Variants in TP63 observed in about 807,000 individuals in gnomAD.
TP63 encodes the protein tumor protein p63.
Under a neutral mutation model 82.8 loss-of-function variants are expected in TP63, and 17 were observed. The ratio of observed to expected loss-of-function variants is 0.21; its 90% confidence interval spans 0.14 to 0.31. TP63 has a LOEUF of 0.31. TP63 is among the 10% of genes least tolerant of loss of function. The pLI is 1.00. For missense variants in TP63, 648 were observed against 895.3 expected (o/e 0.72, Z 3.52); for synonymous variants, 330 against 321.7 (o/e 1.03, Z -0.28).
chr3:189,739,645 A>T (rs531546387), intron 3 of TP63, among the ~76,000 whole-genome samples: 132 of 152,242 alleles, frequency 8.7e-4, no homozygotes, highest in South Asian at 6.8e-3. Flanking sequence ...CCAGTTCCTC[A>T]TTTATAAAGT....
intron 13 of TP63, 85 bp from the exon 14 acceptor site, chr3:189,894,121 A>C (rs1389487711): frequency 6.5e-7 from 1 of 1,528,258 alleles, no homozygotes; most frequent in Non-Finnish European, 9.0e-7. Context: ...AAACCAGAGC[A>C]TCAGGGAATG....
At chr3:189,734,797 G>T (rs768896107) in intron 1 of TP63, among the ~76,000 whole-genome samples, 2 of 152,128 alleles carry the variant, frequency 1.3e-5, no homozygotes, top group Non-Finnish European at 2.9e-5. Flanking sequence ...TTTAGTTCAA[G>T]ACAGTCCTCT....
At chr3:189,601,270 T>A in the TP63 span, among the ~76,000 whole-genome samples, 1 of 152,146 alleles carries the variant, frequency 6.6e-6, no homozygotes, top group African/African-American at 2.4e-5. Flanking sequence ...TTGTTTCCCT[T>A]TTAACACCCA....
intron 3 of TP63, among the ~76,000 whole-genome samples, chr3:189,762,939 C>T (rs901922470): frequency 4.6e-5 from 7 of 152,138 alleles, no homozygotes; most frequent in African/African-American, 1.7e-4. Context: ...AATAAATGGG[C>T]ATCCATCATT....
intron 1 of TP63, among the ~76,000 whole-genome samples, chr3:189,677,603 G>C (rs1715555298): frequency 1.3e-5 from 2 of 151,554 alleles, no homozygotes; most frequent in Admixed American, 1.3e-4. Flanking sequence ...TTTCCTTTGG[G>C]TCAGTATCCA....
chr3:189,738,758 T>C lies in TP63; in HGVS notation c.308T>C (p.Leu103Pro), dbSNP rs1218521246. Reference sequence around the variant, plus strand: ...TGTATCCGCATGCAGGACTCGGACCTGAGTGACCCCATGTGGGTGAGTGGC... The same window carrying C: ...TGTATCCGCATGCAGGACTCGGACCCGAGTGACCCCATGTGGGTGAGTGGC... ...MDCIRMQDSD[L>P]SDPMWPQYTN... Residue 103 changes from leucine to proline, a missense_variant, in exon 3 of 14, where the codon CTG becomes CCG. Coordinates refer to ENST00000264731, the MANE Select transcript of TP63 (RefSeq NM_003722.5). 2.5e-6 allele frequency: 4 copies of C among 1,613,990 alleles called. No homozygotes were observed. Among genetic ancestry groups the C allele is most frequent in the South Asian group, 2.2e-5 (2 of 91,086 alleles).
At chr3:189,862,863 C>G (rs922317618) in intron 4 of TP63, among the ~76,000 whole-genome samples, 6 of 152,282 alleles carry the variant, frequency 3.9e-5, no homozygotes, top group African/African-American at 1.4e-4. Context: ...AACCCTTTTG[C>G]TGCGTCTAAT....
chr3:189,649,423 G>T (rs1712696981), intron 1 of TP63, among the ~76,000 whole-genome samples: 1 of 146,746 alleles, frequency 6.8e-6, no homozygotes, highest in Admixed American at 6.7e-5. Context: ...ACTAAATGAT[G>T]AGAACGCGTG....
At chr3:189,600,828 A>G in the TP63 span, among the ~76,000 whole-genome samples, 1 of 152,178 alleles carries the variant, frequency 6.6e-6, no homozygotes, top group South Asian at 2.1e-4. Flanking sequence ...CAATTTTCCT[A>G]TTAGCCTTGA....
intron 4 of TP63, among the ~76,000 whole-genome samples, chr3:189,838,470 C>T (rs1035721555): frequency 1.2e-4 from 18 of 152,122 alleles, no homozygotes; most frequent in Non-Finnish European, 1.5e-5. Context: ...AGATGAAGCA[C>T]GTTTCCGTCT....
At chr3:189,668,873 A>G (rs1714639441) in intron 1 of TP63, among the ~76,000 whole-genome samples, 1 of 152,090 alleles carries the variant, frequency 6.6e-6, no homozygotes, top group Admixed American at 6.6e-5. Flanking sequence ...TAAGTAAATA[A>G]TAACTGAGAT....
intron 1 of TP63, among the ~76,000 whole-genome samples, chr3:189,692,367 C>G (rs79568440): frequency 0.015 from 2,348 of 151,568 alleles, 54 homozygotes; most frequent in African/African-American, 0.055. Flanking sequence ...TTCTTTATTT[C>G]TTTTACCTTT....
the TP63 span, among the ~76,000 whole-genome samples, chr3:189,612,889 T>C: frequency 6.6e-6 from 1 of 152,316 alleles, no homozygotes; most frequent in East Asian, 1.9e-4. Context: ...AACTTTGAAC[T>C]TGAGAAAAAC....
At chr3:189,720,572 GA>G (rs1401601614) in intron 1 of TP63, among the ~76,000 whole-genome samples, 1 of 151,374 alleles carries the variant, frequency 6.6e-6, no homozygotes, top group East Asian at 1.9e-4. Flanking sequence ...CCGTCTCTAC[GA>G]AAAATACAAA....
intron 3 of TP63, among the ~76,000 whole-genome samples, chr3:189,783,550 A>G (rs1229409689): frequency 6.6e-6 from 1 of 151,936 alleles, no homozygotes; most frequent in Non-Finnish European, 1.5e-5. Context: ...TTTTATTTTA[A>G]TGTATATAAT....
intron 3 of TP63, among the ~76,000 whole-genome samples, chr3:189,780,790 G>A (rs576507743): frequency 6.6e-6 from 1 of 152,172 alleles, no homozygotes; most frequent in Admixed American, 6.5e-5. Context: ...GAAACACTAT[G>A]GTTTGTCATA....
intron 1 of TP63, among the ~76,000 whole-genome samples, chr3:189,721,753 C>T (rs535386327): frequency 6.6e-6 from 1 of 152,296 alleles, no homozygotes; most frequent in South Asian, 2.1e-4. Flanking sequence ...CCACTTGAGA[C>T]TCCTTAAGTC....
intron 3 of TP63, among the ~76,000 whole-genome samples, chr3:189,768,800 A>C (rs1235730015): frequency 6.6e-6 from 1 of 152,166 alleles, no homozygotes; most frequent in Non-Finnish European, 1.5e-5. Context: ...GTACAGATTA[A>C]ATGAATGTAA....
intron 1 of TP63, among the ~76,000 whole-genome samples, chr3:189,672,404 C>A: frequency 6.6e-6 from 1 of 151,950 alleles, no homozygotes; most frequent in East Asian, 1.9e-4. Flanking sequence ...AGTTGGAGAC[C>A]AGCCTGGACA....
Sources: allele counts gnomAD v4.1 joint callset (sites outside exome capture counted in the v4.1 genomes callset), GRCh38; gene constraint gnomAD v4.1.1; transcripts MANE v1.5; gene names NCBI Gene and HGNC (gene_info 2026-07-23, HGNC 2026-07-21).